The following JAKMIP1 variants were observed in gnomAD, a reference collection of about 807,000 sequenced individuals.
JAKMIP1 encodes janus kinase and microtubule-interacting protein 1.
In JAKMIP1, 33 loss-of-function variants were observed where a neutral mutation model predicts 113.0. The ratio of observed to expected loss-of-function variants is 0.29; its 90% CI spans 0.22 to 0.39. JAKMIP1 has a LOEUF of 0.39. Among genes scored for constraint, JAKMIP1 ranks in the 10% least tolerant of loss-of-function variants. The pLI is 1.00. For synonymous variants in JAKMIP1, 480 were observed against 459.9 expected (o/e 1.04, Z -0.56); for missense variants, 813 against 1,080.5 (o/e 0.75, Z 3.47).
rs1402619306 is a variant in JAKMIP1 at position 6,137,249 on chromosome 4, G to C, written c.-147-24252C>G. Among the ~76,000 whole-genome samples, 1 of 152,126 alleles carries C rather than the reference G, an allele frequency of 6.6e-6. No homozygotes were observed. The highest frequency in any genetic ancestry group is 2.4e-5 in the African/African-American group (1 of 41,426). On this transcript the variant is annotated intron_variant, in intron 1 of 20. Transcript: ENST00000409021. This position sits in a 1 kb window ranked among gnomAD's most constrained non-coding sequence, Gnocchi z 4.5. ...AGGACATGTGCTATGCCAGGTCCTG[G>C]CTTCCCCGTGCCAGCAGCCGGGCTC...
intron 1 of JAKMIP1, among the ~76,000 whole-genome samples, chr4:6,117,748 A>C (rs1361986197): frequency 6.6e-6 from 1 of 151,938 alleles, no homozygotes; most frequent in Non-Finnish European, 1.5e-5. Context: ...TCAGAGACCT[A>C]CCCCTAGGTG....
rs1477644353 is a variant in JAKMIP1 at position 6,168,916 on chromosome 4, A to C, written c.-148+31337T>G. On this transcript the variant is annotated intron_variant, in intron 1 of 20. Transcript: ENST00000409021. The surrounding 1 kb of genome is among the most constrained non-coding windows in gnomAD (Gnocchi z 4.6). Reference sequence around the variant, plus strand: ...AGCCTGTCTCAAAAAATAAAAACAAAAAAAAAAATCATAGGGACAAGAAGT... The same window carrying C: ...AGCCTGTCTCAAAAAATAAAAACAACAAAAAAAATCATAGGGACAAGAAGT... Among the ~76,000 whole-genome samples, 3 of 151,974 alleles carry C rather than the reference A, an allele frequency of 2.0e-5. No individual in the cohort carries two copies. The highest frequency in any genetic ancestry group is 1.5e-5 in the Non-Finnish European group (1 of 68,004).
chr4:6,049,000 T>C, intron 15 of JAKMIP1, 78 bp from the exon 16 acceptor site: 7 of 1,074,504 alleles, frequency 6.5e-6, no homozygotes, highest in South Asian at 1.3e-5. Flanking sequence ...CAAGCAAGTT[T>C]TTTTTTTTCG....
chr4:6,152,640 C>T (rs1010084524), intron 1 of JAKMIP1, among the ~76,000 whole-genome samples: 1 of 152,094 alleles, frequency 6.6e-6, no homozygotes, highest in Non-Finnish European at 1.5e-5. Context: ...TTGCAATATT[C>T]TCACAGAAGT....
At chr4:6,172,340 T>A (rs956154868) in intron 1 of JAKMIP1, among the ~76,000 whole-genome samples, 1 of 152,062 alleles carries the variant, frequency 6.6e-6, no homozygotes, top group African/African-American at 2.4e-5. Flanking sequence ...GATCTGCAGA[T>A]AACATTAATA....
chr4:6,165,992 A>T lies in JAKMIP1; in HGVS notation c.-148+34261T>A, dbSNP rs527645934. 7.2e-5 allele frequency among the ~76,000 whole-genome samples: 11 copies of T among 152,020 alleles called. 1 individual carries two copies. In the South Asian group the frequency reaches 2.3e-3, roughly 32 times the overall value. ...GCTGCCGGCATTTCTGGGTTCGCGG[A>T]CGCATCACTCTGCCCTCCACTCCAC... On this transcript the variant is annotated intron_variant, in intron 1 of 20. Coordinates refer to ENST00000409021, the MANE Select transcript of JAKMIP1 (RefSeq NM_001099433.2).
At chr4:6,125,108 G>A (rs944756965) in intron 1 of JAKMIP1, among the ~76,000 whole-genome samples, 1 of 152,198 alleles carries the variant, frequency 6.6e-6, no homozygotes, top group Admixed American at 6.5e-5. Flanking sequence ...CCCAGCCCAT[G>A]TGATGTGGAG....
chr4:6,055,789 A>C (rs1389246676), intron 12 of JAKMIP1, among the ~76,000 whole-genome samples: 23 of 106,086 alleles, frequency 2.2e-4, no homozygotes, highest in East Asian at 6.1e-4. Flanking sequence ...CAGCTCTCCC[A>C]ATTTCTGCAG....
chr4:6,173,524 G>A (rs964122498), intron 1 of JAKMIP1, among the ~76,000 whole-genome samples: 16 of 152,106 alleles, frequency 1.1e-4, no homozygotes, highest in African/African-American at 3.9e-4. Flanking sequence ...CTGGCCACTA[G>A]GAACACCTTT....
intron 1 of JAKMIP1, among the ~76,000 whole-genome samples, chr4:6,196,245 G>T (rs959828400): frequency 2.0e-5 from 3 of 152,128 alleles, no homozygotes; most frequent in Non-Finnish European, 4.4e-5. Flanking sequence ...GCATCTAATA[G>T]TGACTGTGGC....
chr4:6,074,604 G>A (rs1335530094), intron 8 of JAKMIP1, among the ~76,000 whole-genome samples: 23 of 152,174 alleles, frequency 1.5e-4, no homozygotes, highest in Admixed American at 1.5e-3. Flanking sequence ...GGCTGCTCAA[G>A]CCCCTTATAC....
In JAKMIP1 at chr4:6,158,489, T is replaced by G. The variant is rs1020192915; in HGVS notation, c.-148+41764A>C. Among the ~76,000 whole-genome samples the G allele has an allele frequency of 6.6e-6, 1 of 151,258 alleles. No homozygotes were observed. The highest frequency in any genetic ancestry group is 2.4e-5 in the African/African-American group (1 of 41,038). ...ATGAGATGGAGAGCAAATTTTGGAG[T>G]AAAATAAAGGGCTGGGGCTTGGGTT... is the stretch of plus-strand genomic sequence containing the variant. On this transcript the variant is annotated intron_variant, in intron 1 of 20. Coordinates refer to ENST00000409021, the MANE Select transcript of JAKMIP1 (RefSeq NM_001099433.2). The surrounding 1 kb of genome is among the most constrained non-coding windows in gnomAD (Gnocchi z 5.3).
At chr4:6,058,785 C>T (rs987745430) in intron 11 of JAKMIP1, among the ~76,000 whole-genome samples, 13 of 152,210 alleles carry the variant, frequency 8.5e-5, no homozygotes, top group African/African-American at 2.9e-4. Flanking sequence ...CTAATTTTTC[C>T]TTGCAGTGCC....
At position 6,179,849 on chromosome 4, in the gene JAKMIP1, A is replaced by G. The variant is rs186827068; in HGVS notation, c.-148+20404T>C. Among the ~76,000 whole-genome samples the G allele has an allele frequency of 2.6e-5, 4 of 152,352 alleles. No homozygotes were observed. The East Asian group carries it at 7.7e-4, about 29-fold the overall frequency. ...TGACAGATAAGGAAACTGAGGCTCA[A>G]AGAGGTGAAGTCACTTTCTTAAAAT... On this transcript the variant is annotated intron_variant, in intron 1 of 20. Coordinates refer to ENST00000409021, the MANE Select transcript of JAKMIP1 (RefSeq NM_001099433.2). The surrounding 1 kb of genome is among the most constrained non-coding windows in gnomAD (Gnocchi z 4.5).
intron 1 of JAKMIP1, among the ~76,000 whole-genome samples, chr4:6,117,660 G>A (rs1277208967): frequency 6.6e-6 from 1 of 151,890 alleles, no homozygotes; most frequent in Non-Finnish European, 1.5e-5. Flanking sequence ...ATAAGCCTGG[G>A]AGCGCTATGG....
Position 6,183,481 on chromosome 4 carries a change from T to TAAATAAATAAATAAATAAATAAAC in JAKMIP1, c.-148+16771_-148+16772insGTTTATTTATTTATTTATTTATTT, listed in dbSNP as rs1726285060. Among the ~76,000 whole-genome samples, 1 of 147,886 alleles carries TAAATAAATAAATAAATAAATAAAC rather than the reference T, an allele frequency of 6.8e-6. No homozygotes were observed. Among genetic ancestry groups the TAAATAAATAAATAAATAAATAAAC allele is most frequent in the Non-Finnish European group, 1.5e-5 (1 of 66,812 alleles). On this transcript the variant is annotated intron_variant, in intron 1 of 20. Coordinates refer to ENST00000409021, the MANE Select transcript of JAKMIP1 (RefSeq NM_001099433.2). The surrounding 1 kb of genome is among the most constrained non-coding windows in gnomAD (Gnocchi z 5.3). ...GTGACAGAGCAAGACTCTGTCTCAATAAATAAATAAATAAATAAATAAATA... is the reference window on the plus strand; with the variant it reads ...GTGACAGAGCAAGACTCTGTCTCAATAAATAAATAAATAAATAAATAAACAAATAAATAAATAAATAAATAAATA...
chr4:6,038,836 T>C (rs929530547), intron 18 of JAKMIP1, among the ~76,000 whole-genome samples: 25 of 152,178 alleles, frequency 1.6e-4, no homozygotes, highest in African/African-American at 6.0e-4. Context: ...AGGAGACCCC[T>C]GCGTGGCCAG....
rs952642663 is a variant in JAKMIP1, at chr4:6,050,839, C to A, written c.1807-160G>T. ...AAGCAGCCTCGTCCGTGAGCTACGA[C>A]GTTTTCACGCCTTCCCACGCAGCAG... On this transcript the variant is annotated intron_variant, in intron 13 of 20. Transcript: ENST00000409021. This position sits in a 1 kb window ranked among gnomAD's most constrained non-coding sequence, Gnocchi z 7.4. 6.6e-6 allele frequency among the ~76,000 whole-genome samples: 1 copy of A among 152,184 alleles called. No individual in the cohort carries two copies. The highest frequency in any genetic ancestry group is 2.1e-4 in the South Asian group (1 of 4,828).
chr4:6,098,622 AAAAAGAAAGAAAG>A (rs1352391642), intron 3 of JAKMIP1, among the ~76,000 whole-genome samples: 6 of 147,558 alleles, frequency 4.1e-5, no homozygotes, highest in East Asian at 1.9e-4. Context: ...AAAGAAAAAG[AAAAAGAAAGAAAG>A]AAAAGAAAGA....
Sources: allele counts gnomAD v4.1 joint callset (sites outside exome capture counted in the v4.1 genomes callset), GRCh38; gene constraint gnomAD v4.1.1; non-coding constraint Gnocchi (gnomAD v3.1); transcripts MANE v1.5; gene names NCBI Gene and HGNC (gene_info 2026-07-23, HGNC 2026-07-21).